H1-0: variants seen among roughly 807,000 people sequenced by gnomAD.
H1-0 encodes H1.0 linker histone.
A neutral mutation model predicts 8.8 loss-of-function variants in H1-0; 5 were observed. The observed-to-expected ratio is 0.57, with a 90% CI of 0.30 to 1.19. The LOEUF is 1.19. Ranked by LOEUF, H1-0 falls within the 50% of genes most tolerant of loss-of-function variation. The probability of loss-of-function intolerance (pLI) is 0.08; values close to 1 mark genes in which losing one functional copy is unlikely to be tolerated. For missense variants in H1-0, 231 were observed against 242.0 expected (o/e 0.95, Z 0.30); for synonymous variants, 143 against 101.4 (o/e 1.41, Z -2.46).
chr22:37,805,257 A>AGGAGGC lies in H1-0; in HGVS notation c.-281_-276dup, dbSNP rs1249203715. The stretch of plus-strand genomic sequence containing the variant: ...CGCGGAGCTGGGAAAAGGGAGGCAG[A>AGGAGGC]GGAGGCGGAGGCAGAGGCAGAGGCA... On this transcript the variant is annotated 5_prime_UTR_variant, in exon 1 of 1. Transcript: ENST00000340857. The AGGAGGC allele has an allele frequency of 1.5e-4, 60 of 413,354 alleles. No individual in the cohort carries two copies. The highest frequency in any genetic ancestry group is 2.2e-4 in the Non-Finnish European group (52 of 233,772). The allele number at this position is 413,354 out of a possible 1,614,324, so 25.6% of individuals were successfully genotyped here.
Position 37,805,477 on chromosome 22 carries a change from T to TG in H1-0, c.-68_-67insG. On this transcript the variant is annotated 5_prime_UTR_variant, in exon 1 of 1. Coordinates refer to ENST00000340857, the MANE Select transcript of H1-0 (RefSeq NM_005318.4). ...TCAGGAGCAGATCCCGAGGCAGGCT[T>TG]TGCTCAGCCTCCGACGAGGGCTGGC... 1 of 1,202,080 alleles carries TG rather than the reference T, an allele frequency of 8.3e-7. No individual in the cohort carries two copies. The highest frequency in any genetic ancestry group is 1.2e-6 in the Non-Finnish European group (1 of 839,498). The allele number at this position is 1,202,080 out of a possible 1,614,324, so 74.5% of individuals were successfully genotyped here. A position where few individuals can be genotyped will look rare whatever the true frequency, so the allele number is the denominator to read the frequency against.
chr22:37,805,468 A>G lies in H1-0; in HGVS notation c.-77A>G, dbSNP rs1465288324. ...GTCAGGGGCTCAGGAGCAGATCCCG[A>G]GGCAGGCTTTGCTCAGCCTCCGACG... is the stretch of plus-strand genomic sequence containing the variant. On this transcript the variant is annotated 5_prime_UTR_variant, in exon 1 of 1. Coordinates refer to ENST00000340857, the MANE Select transcript of H1-0 (RefSeq NM_005318.4). 3 of 1,085,242 alleles carry G rather than the reference A, an allele frequency of 2.8e-6. No homozygotes were observed. The highest frequency in any genetic ancestry group is 4.1e-6 in the Non-Finnish European group (3 of 739,486). 67.2% of individuals were successfully genotyped at this position (1,085,242 alleles called of 1,614,324 possible). A position where few individuals can be genotyped will look rare whatever the true frequency, so the allele number is the denominator to read the frequency against.
Position 37,805,695 on chromosome 22 carries a change from C to T in H1-0, c.151C>T (p.Gln51Ter). Reference sequence around the variant, plus strand: ...CGCTGGCTCCTCGCGCCAGTCCATTCAGAAGTATATCAAGAGCCACTACAA... The same window carrying T: ...CGCTGGCTCCTCGCGCCAGTCCATTTAGAAGTATATCAAGAGCCACTACAA... ...NRAGSSRQSIQKYIKSHYKVG... is the reference protein window; with the variant it reads ...NRAGSSRQSI The change falls in exon 1 of 1, where the codon CAG (glutamine) becomes TAG (stop). Residue 51 changes from glutamine (Q) to a stop codon, truncating the protein, a stop_gained. Transcript: ENST00000340857. LOFTEE classifies it high-confidence loss of function. The T allele has an allele frequency of 6.2e-7, 1 of 1,614,150 alleles. No individual in the cohort carries two copies. Among genetic ancestry groups the T allele is most frequent in the East Asian group, 2.2e-5 (1 of 44,884 alleles).
In H1-0 at chr22:37,805,275, C is replaced by T. The variant is rs1920974405; in HGVS notation, c.-270C>T. 3.0e-6 allele frequency: 1 copy of T among 336,130 alleles called. No homozygotes were observed. The highest frequency in any genetic ancestry group is 4.5e-5 in the East Asian group (1 of 22,184). The allele number at this position is 336,130 out of a possible 1,614,324, so 20.8% of individuals were successfully genotyped here. On this transcript the variant is annotated 5_prime_UTR_variant, in exon 1 of 1. Transcript: ENST00000340857. The stretch of plus-strand genomic sequence containing the variant: ...GAGGCAGAGGAGGCGGAGGCAGAGG[C>T]AGAGGCAGAGGCAGAGCCCGAGCCC...
Position 37,806,000 on chromosome 22 carries a change from C to T in H1-0, c.456C>T (p.Ala152=). ...AGAAGGCCAAGAAGAAGCTGGCTGC[C>T]ACGCCCAAGAAAGCCAAAAAACCCA... ...PVKKAKKKLA[A]TPKKAKKPKT... The change falls in exon 1 of 1, where the codon GCC becomes GCT. Residue 152 remains alanine, a synonymous_variant. Transcript: ENST00000340857. 3 of 1,614,038 alleles carry T rather than the reference C, an allele frequency of 1.9e-6. No individual in the cohort carries two copies. The highest frequency in any genetic ancestry group is 2.5e-6 in the Non-Finnish European group (3 of 1,180,016).
At position 37,805,264 on chromosome 22, in the gene H1-0, GGAGGCAGAGGCAGAGGCAGAGGCA is replaced by G; in HGVS notation, c.-277_-254del. ...CTGGGAAAAGGGAGGCAGAGGAGGC[GGAGGCAGAGGCAGAGGCAGAGGCA>G]GAGCCCGAGCCCGGTGCCGAGACCA... On this transcript the variant is annotated 5_prime_UTR_variant, in exon 1 of 1. Coordinates refer to ENST00000340857, the MANE Select transcript of H1-0 (RefSeq NM_005318.4). 1 of 450,672 alleles carries G rather than the reference GGAGGCAGAGGCAGAGGCAGAGGCA, an allele frequency of 2.2e-6. No homozygotes were observed. Among genetic ancestry groups the G allele is most frequent in the Non-Finnish European group, 4.0e-6 (1 of 251,710 alleles). The allele number at this position is 450,672 out of a possible 1,614,324, so 27.9% of individuals were successfully genotyped here. A position where few individuals can be genotyped will look rare whatever the true frequency, so the allele number is the denominator to read the frequency against.
Position 37,805,270 on chromosome 22 carries a change from A to AGAG in H1-0, c.-273_-271dup, listed in dbSNP as rs1386336495. 4.7e-6 allele frequency: 2 copies of AGAG among 428,040 alleles called. No homozygotes were observed. The highest frequency in any genetic ancestry group is 5.8e-4 in the Middle Eastern group (1 of 1,736). 26.5% of individuals were successfully genotyped at this position (428,040 alleles called of 1,614,324 possible). On this transcript the variant is annotated 5_prime_UTR_variant, in exon 1 of 1. Transcript: ENST00000340857. ...AAAGGGAGGCAGAGGAGGCGGAGGC[A>AGAG]GAGGCAGAGGCAGAGGCAGAGCCCG... is the stretch of plus-strand genomic sequence containing the variant.
rs1645766426 is a variant in H1-0, at chr22:37,806,381, G to C, written c.*252G>C. On this transcript the variant is annotated 3_prime_UTR_variant, in exon 1 of 1. Transcript: ENST00000340857. Reference sequence around the variant, plus strand: ...TTTGTTTTGCTATTAACCTACTTACGGGGTTAGGGATTTGCGGGGGGGGCT... The same window carrying C: ...TTTGTTTTGCTATTAACCTACTTACCGGGTTAGGGATTTGCGGGGGGGGCT... 5 of 459,722 alleles carry C rather than the reference G, an allele frequency of 1.1e-5. No individual in the cohort carries two copies. The Admixed American group carries it at 1.8e-4, about 17-fold the overall frequency. 28.5% of individuals were successfully genotyped at this position (459,722 alleles called of 1,614,324 possible).
In H1-0 at chr22:37,806,370, A is replaced by C; in HGVS notation, c.*241A>C. 1 of 517,444 alleles carries C rather than the reference A, an allele frequency of 1.9e-6. No individual in the cohort carries two copies. The highest frequency in any genetic ancestry group is 3.5e-6 in the Non-Finnish European group (1 of 287,380). 32.1% of individuals were successfully genotyped at this position (517,444 alleles called of 1,614,324 possible). A position where few individuals can be genotyped will look rare whatever the true frequency, so the allele number is the denominator to read the frequency against. On this transcript the variant is annotated 3_prime_UTR_variant, in exon 1 of 1. Coordinates refer to ENST00000340857, the MANE Select transcript of H1-0 (RefSeq NM_005318.4). ...TGTACTTATATTTTGTTTTGCTATT[A>C]ACCTACTTACGGGGTTAGGGATTTG... is the stretch of plus-strand genomic sequence containing the variant.
chr22:37,805,887 A>G lies in H1-0; in HGVS notation c.343A>G (p.Lys115Glu). ...VAFKKTKKEI[K>E]KVATPKKASK... Reference sequence around the variant, plus strand: ...CTTCAAGAAGACCAAGAAGGAAATCAAGAAGGTAGCCACGCCAAAGAAGGC... The same window carrying G: ...CTTCAAGAAGACCAAGAAGGAAATCGAGAAGGTAGCCACGCCAAAGAAGGC... The change falls in exon 1 of 1, where the codon AAG becomes GAG. Residue 115 changes from lysine to glutamate, a missense_variant. Coordinates refer to ENST00000340857, the MANE Select transcript of H1-0 (RefSeq NM_005318.4). The G allele has an allele frequency of 1.9e-6, 3 of 1,614,066 alleles. No individual in the cohort carries two copies. Among genetic ancestry groups the G allele is most frequent in the Non-Finnish European group, 2.5e-6 (3 of 1,180,028 alleles).
chr22:37,806,221 C>T lies in H1-0; in HGVS notation c.*92C>T, dbSNP rs1219981097. 2 of 905,562 alleles carry T rather than the reference C, an allele frequency of 2.2e-6. No individual in the cohort carries two copies. Among genetic ancestry groups the T allele is most frequent in the East Asian group, 2.6e-5 (1 of 37,896 alleles). The allele number at this position is 905,562 out of a possible 1,614,324, so 56.1% of individuals were successfully genotyped here. On this transcript the variant is annotated 3_prime_UTR_variant, in exon 1 of 1. Coordinates refer to ENST00000340857, the MANE Select transcript of H1-0 (RefSeq NM_005318.4). ...TTTCTCTCTTGATGCTCACCACCAC[C>T]TTTTGCCCCCTTCTGTTCTGACTTT...
Position 37,806,302 on chromosome 22 carries a change from A to C in H1-0, c.*173A>C. On this transcript the variant is annotated 3_prime_UTR_variant, in exon 1 of 1. Coordinates refer to ENST00000340857, the MANE Select transcript of H1-0 (RefSeq NM_005318.4). ...TTACAGAATAATTCATTTTTCCTTA[A>C]CCAGTTGTGCAAGGACAGCAACAAC... 2 of 628,128 alleles carry C rather than the reference A, an allele frequency of 3.2e-6. No individual in the cohort carries two copies. Among genetic ancestry groups the C allele is most frequent in the East Asian group, 5.5e-5 (2 of 36,076 alleles). The allele number at this position is 628,128 out of a possible 1,614,324, so 38.9% of individuals were successfully genotyped here.
At position 37,805,566 on chromosome 22, in the gene H1-0, G is replaced by C; in HGVS notation, c.22G>C (p.Ala8Pro). The C allele has an allele frequency of 1.9e-6, 3 of 1,612,222 alleles. No homozygotes were observed. The highest frequency in any genetic ancestry group is 2.5e-6 in the Non-Finnish European group (3 of 1,178,872). MTENSTS[A>P]PAAKPKRAKA... The stretch of plus-strand genomic sequence containing the variant: ...CACCATGACCGAGAATTCCACGTCC[G>C]CCCCTGCGGCCAAGCCCAAGCGGGC... Residue 8 changes from alanine to proline, a missense_variant, in exon 1 of 1, where the codon GCC (alanine) becomes CCC (proline). Ala to Pro is a conservative substitution (Grantham distance 27). Transcript: ENST00000340857.
chr22:37,805,297 G>A lies in H1-0; in HGVS notation c.-248G>A, dbSNP rs1920975205. 3.9e-6 allele frequency: 2 copies of A among 506,542 alleles called. No homozygotes were observed. The highest frequency in any genetic ancestry group is 7.0e-6 in the Non-Finnish European group (2 of 283,914). The allele number at this position is 506,542 out of a possible 1,614,324, so 31.4% of individuals were successfully genotyped here. On this transcript the variant is annotated 5_prime_UTR_variant, in exon 1 of 1. Coordinates refer to ENST00000340857, the MANE Select transcript of H1-0 (RefSeq NM_005318.4). ...AGGCAGAGGCAGAGGCAGAGCCCGAGCCCGGTGCCGAGACCAAGCGACAGA... is the reference window on the plus strand; with the variant it reads ...AGGCAGAGGCAGAGGCAGAGCCCGAACCCGGTGCCGAGACCAAGCGACAGA...
chr22:37,806,204 TTGA>T lies in H1-0; in HGVS notation c.*78_*80del. On this transcript the variant is annotated 3_prime_UTR_variant, in exon 1 of 1. Transcript: ENST00000340857. ...AAATAATTTTCTCCTTTTTTCTCTC[TTGA>T]TGCTCACCACCACCTTTTGCCCCCT... 8.6e-7 allele frequency: 1 copy of T among 1,160,392 alleles called. No homozygotes were observed. The highest frequency in any genetic ancestry group is 1.2e-6 in the Non-Finnish European group (1 of 823,118). The allele number at this position is 1,160,392 out of a possible 1,614,324, so 71.9% of individuals were successfully genotyped here.
In H1-0 at chr22:37,807,020, C is replaced by T. The variant is rs1001838698; in HGVS notation, c.*891C>T. ...TTTGTTCCTCCTGTACAAGAGGTGT[C>T]TTTGCTTGGTTTGGTGGGGCTGCGG... On this transcript the variant is annotated 3_prime_UTR_variant, in exon 1 of 1. Coordinates refer to ENST00000340857, the MANE Select transcript of H1-0 (RefSeq NM_005318.4). 4 of 166,414 alleles carry T rather than the reference C, an allele frequency of 2.4e-5. No homozygotes were observed. Among genetic ancestry groups the T allele is most frequent in the African/African-American group, 9.7e-5 (4 of 41,168 alleles). 10.3% of individuals were successfully genotyped at this position (166,414 alleles called of 1,614,324 possible).
Position 37,805,856 on chromosome 22 carries a change from A to T in H1-0, c.312A>T (p.Ser104=), listed in dbSNP as rs1214503221. The change falls in exon 1 of 1, where the codon TCA becomes TCT. Residue 104 remains serine (S), a synonymous_variant. Transcript: ENST00000340857. ...CCAAGAGCGACGAACCCAAGAAGTCAGTGGCCTTCAAGAAGACCAAGAAGG... is the reference window on the plus strand; with the variant it reads ...CCAAGAGCGACGAACCCAAGAAGTCTGTGGCCTTCAAGAAGACCAAGAAGG... The part of the protein sequence containing the change: ...RLAKSDEPKK[S]VAFKKTKKEI... 1.2e-6 allele frequency: 2 copies of T among 1,613,904 alleles called. No homozygotes were observed. Among genetic ancestry groups the T allele is most frequent in the African/African-American group, 1.3e-5 (1 of 74,918 alleles).
chr22:37,805,403 G>T lies in H1-0; in HGVS notation c.-142G>T, dbSNP rs1569075255. ...CGGGGAGGAAAAGCAGCGACTCCTC[G>T]CTCGCATCCCCGGGAGCCGCACTCC... is the stretch of plus-strand genomic sequence containing the variant. On this transcript the variant is annotated 5_prime_UTR_variant, in exon 1 of 1. Transcript: ENST00000340857. 6 of 608,362 alleles carry T rather than the reference G, an allele frequency of 9.9e-6. No homozygotes were observed. In the South Asian group the frequency reaches 1.3e-4, roughly 13 times the overall value. 37.7% of individuals were successfully genotyped at this position (608,362 alleles called of 1,614,324 possible).
In H1-0 at chr22:37,805,999, C is replaced by T. The variant is rs770841544; in HGVS notation, c.455C>T (p.Ala152Val). 3 of 1,613,908 alleles carry T rather than the reference C, an allele frequency of 1.9e-6. No individual in the cohort carries two copies. Among genetic ancestry groups the T allele is most frequent in the African/African-American group, 2.7e-5 (2 of 74,864 alleles). ...AAGAAGGCCAAGAAGAAGCTGGCTG[C>T]CACGCCCAAGAAAGCCAAAAAACCC... ...PVKKAKKKLA[A>V]TPKKAKKPKT... The change falls in exon 1 of 1, where the codon GCC becomes GTC. Residue 152 changes from alanine to valine, a missense_variant. By Grantham distance (64) the Ala-to-Val change is moderately conservative. Coordinates refer to ENST00000340857, the MANE Select transcript of H1-0 (RefSeq NM_005318.4).
Sources: gnomAD v4.1 joint callset for allele counts on GRCh38, gnomAD v4.1.1 for gene constraint, MANE v1.5 for transcripts, NCBI Gene and HGNC (gene_info 2026-07-23, HGNC 2026-07-21) for gene names.